MACROD2: variants seen among roughly 807,000 people sequenced by gnomAD.
MACROD2 encodes mono-ADP ribosylhydrolase 2.
A neutral mutation model predicts 70.4 loss-of-function variants in MACROD2; 36 were observed. The ratio of observed to expected loss-of-function variants is 0.51; its 90% confidence interval spans 0.39 to 0.68. MACROD2 has a LOEUF of 0.68. Ranked by LOEUF, MACROD2 falls within the 30% of genes least tolerant of loss-of-function variation. The probability of loss-of-function intolerance (pLI) is 0.00; values close to 1 mark genes in which losing one functional copy is unlikely to be tolerated. For synonymous variants in MACROD2, 172 were observed against 178.8 expected, an observed-to-expected ratio of 0.96 and a Z score of 0.30; for missense variants, 496 against 538.4, an observed-to-expected ratio of 0.92 and a Z score of 0.78.
At chr20:14,840,642 T>C (rs2073077367) in intron 5 of MACROD2, among the ~76,000 whole-genome samples, 2 of 152,016 alleles carry the variant, frequency 1.3e-5, no homozygotes, top group Non-Finnish European at 2.9e-5. Flanking sequence ...ACAACATACA[T>C]TAAAACTAAA....
chr20:15,816,944 G>A lies in MACROD2; in HGVS notation c.646-45801G>A, dbSNP rs148936739. The stretch of plus-strand genomic sequence containing the variant: ...ATGGCTTAAATGAGGTGCCATGTTC[G>A]TGCCAGCGAGAATTCAATACCTACT... On this transcript the variant is annotated intron_variant, in intron 8 of 17. Coordinates refer to ENST00000684519, the MANE Select transcript of MACROD2 (RefSeq NM_001351661.2). 4.0e-3 allele frequency among the ~76,000 whole-genome samples: 611 copies of A among 152,240 alleles called. 3 individuals are homozygous for A. Among genetic ancestry groups the A allele is most frequent in the African/African-American group, 0.014 (562 of 41,554 alleles).
At chr20:14,558,433 T>C (rs983537072) in intron 4 of MACROD2, among the ~76,000 whole-genome samples, 1 of 151,760 alleles carries the variant, frequency 6.6e-6, no homozygotes, top group Non-Finnish European at 1.5e-5. Context: ...CCCAACCATA[T>C]GCTGTCTATA....
intron 10 of MACROD2, among the ~76,000 whole-genome samples, chr20:15,927,361 C>T (rs1191440332): frequency 1.3e-5 from 2 of 152,132 alleles, no homozygotes; most frequent in African/African-American, 4.8e-5. Context: ...TATGGCTTAG[C>T]TCTTGCAGGT....
chr20:15,971,673 T>C (rs904059075), intron 13 of MACROD2, among the ~76,000 whole-genome samples: 3 of 152,218 alleles, frequency 2.0e-5, no homozygotes, highest in African/African-American at 2.4e-5. Context: ...GGTCCACCTA[T>C]GGCACCATGT....
chr20:14,396,221 T>A (rs2083578228), intron 3 of MACROD2, among the ~76,000 whole-genome samples: 1 of 152,252 alleles, frequency 6.6e-6, no homozygotes, highest in South Asian at 2.1e-4. Context: ...GAGTAGAGGG[T>A]TCTATAAATA....
chr20:14,104,156 T>A (rs2054338215), intron 3 of MACROD2, among the ~76,000 whole-genome samples: 1 of 152,206 alleles, frequency 6.6e-6, no homozygotes, highest in Non-Finnish European at 1.5e-5. Flanking sequence ...GTTTGATGAA[T>A]TTTTTTATGC....
At chr20:14,230,654 T>TATATATATATATATATATATAAAAAA in intron 3 of MACROD2, among the ~76,000 whole-genome samples, 10 of 74,234 alleles carry the variant, frequency 1.3e-4, no homozygotes, top group African/African-American at 4.1e-4. Flanking sequence ...TATATATATA[T>TATATATATATATATATATATAAAAAA]AACACAGGCT....
chr20:15,433,023 T>A (rs574324348), intron 7 of MACROD2, among the ~76,000 whole-genome samples: 244 of 152,038 alleles, frequency 1.6e-3, no homozygotes, highest in African/African-American at 5.7e-3. Flanking sequence ...ATAAAAACCC[T>A]CAACAAAATG....
intron 4 of MACROD2, among the ~76,000 whole-genome samples, chr20:14,549,357 T>C (rs1978500250): frequency 1.3e-5 from 2 of 152,200 alleles, no homozygotes; most frequent in African/African-American, 4.8e-5. Flanking sequence ...AAAGTAGACC[T>C]AAGAATAAAT....
At chr20:14,597,978 T>A (rs1019951736) in intron 4 of MACROD2, among the ~76,000 whole-genome samples, 1 of 152,146 alleles carries the variant, frequency 6.6e-6, no homozygotes, top group Non-Finnish European at 1.5e-5. Context: ...AAATATAATC[T>A]TACAAAGATC....
chr20:14,636,262 C>T (rs55771103), intron 4 of MACROD2, among the ~76,000 whole-genome samples: 11,208 of 151,914 alleles, frequency 0.074, 489 homozygotes, highest in Middle Eastern at 0.17. Context: ...ATCAATGTCA[C>T]GCCCAAATAT....
chr20:15,001,359 G>T (rs2074993783), intron 5 of MACROD2, among the ~76,000 whole-genome samples: 1 of 152,038 alleles, frequency 6.6e-6, no homozygotes, highest in African/African-American at 2.4e-5. Flanking sequence ...ACTATCCAAA[G>T]GATAAAAGAA....
intron 4 of MACROD2, among the ~76,000 whole-genome samples, chr20:14,515,968 A>T (rs1444749748): frequency 6.8e-6 from 1 of 147,754 alleles, no homozygotes; most frequent in African/African-American, 2.5e-5. Flanking sequence ...ATTATATAAT[A>T]TATTTTATAT....
At position 15,008,553 on chromosome 20, in the gene MACROD2, A is replaced by G. The variant is rs576300209; in HGVS notation, c.419-221387A>G. On this transcript the variant is annotated intron_variant, in intron 5 of 17. Coordinates refer to ENST00000684519, the MANE Select transcript of MACROD2 (RefSeq NM_001351661.2). ...CATGGTGCAGGTTCTTGAGAAACTT[A>G]AAGTCTACTGAGAAAGATGGATGCA... Among the ~76,000 whole-genome samples the G allele has an allele frequency of 5.4e-4, 83 of 152,298 alleles. 1 individual carries two copies. In the South Asian group the frequency reaches 0.013, roughly 24 times the overall value.
chr20:15,570,334 G>C (rs1308173283), intron 8 of MACROD2, among the ~76,000 whole-genome samples: 2 of 152,054 alleles, frequency 1.3e-5, no homozygotes, highest in African/African-American at 4.8e-5. Flanking sequence ...TTAGAATGTT[G>C]GCACTTTGAA....
At chr20:15,433,459 CAAAAAAA>C (rs60298297) in intron 7 of MACROD2, among the ~76,000 whole-genome samples, 6 of 88,280 alleles carry the variant, frequency 6.8e-5, no homozygotes, top group East Asian at 3.0e-4. Flanking sequence ...ACAAGAGCTG[CAAAAAAA>C]AAAAAAAAAA....
At position 14,257,899 on chromosome 20, in the gene MACROD2, C is replaced by T. The variant is rs951355003; in HGVS notation, c.271+172171C>T. Reference sequence around the variant, plus strand: ...ATTCCTTGCCCCCTTCTTCACTTTCCCCAGCATCCCCAAAGTCTGTTTTGT... The same window carrying T: ...ATTCCTTGCCCCCTTCTTCACTTTCTCCAGCATCCCCAAAGTCTGTTTTGT... On this transcript the variant is annotated intron_variant, in intron 3 of 17. Transcript: ENST00000684519. 7.7e-5 allele frequency among the ~76,000 whole-genome samples: 5 copies of T among 65,296 alleles called. No individual in the cohort carries two copies. The East Asian group carries it at 4.2e-3, about 54-fold the overall frequency. 42.8% of individuals were successfully genotyped at this position (65,296 alleles called of 152,430 possible).
At chr20:15,537,430 G>A (rs2047891325) in intron 8 of MACROD2, among the ~76,000 whole-genome samples, 1 of 150,686 alleles carries the variant, frequency 6.6e-6, no homozygotes, top group Non-Finnish European at 1.5e-5. Flanking sequence ...TAGTCACCAG[G>A]GATAGTCTTT....
intron 5 of MACROD2, among the ~76,000 whole-genome samples, chr20:15,054,781 A>G (rs533352955): frequency 6.6e-6 from 1 of 152,002 alleles, no homozygotes; most frequent in South Asian, 2.1e-4. Context: ...CTATACCCAC[A>G]ACTTTTTTTT....
Sources: gnomAD v4.1 joint callset for allele counts (sites outside exome capture counted in the v4.1 genomes callset) on GRCh38, gnomAD v4.1.1 for gene constraint, MANE v1.5 for transcripts, NCBI Gene and HGNC (gene_info 2026-07-23, HGNC 2026-07-21) for gene names.